KPNA1: variants seen among roughly 807,000 people sequenced by gnomAD.
KPNA1 encodes importin subunit alpha-5.
KPNA1 carries 10 observed loss-of-function variants against 70.5 expected under a neutral mutation model. The ratio of observed to expected loss-of-function variants is 0.14; its 90% CI spans 0.09 to 0.24. The LOEUF (loss-of-function observed/expected upper bound fraction) is 0.24. Ranked by LOEUF, KPNA1 falls within the 10% of genes least tolerant of loss-of-function variation. KPNA1 has a pLI of 1.00. For synonymous variants in KPNA1, 192 were observed against 221.9 expected, an observed-to-expected ratio of 0.87 and a Z score of 1.20; for missense variants, 397 against 637.9, an observed-to-expected ratio of 0.62 and a Z score of 4.07.
In KPNA1 at chr3:122,483,678, A is replaced by G. The variant is rs190338768; in HGVS notation, c.129+12759T>C. 1.9e-4 allele frequency among the ~76,000 whole-genome samples: 29 copies of G among 152,340 alleles called. No homozygotes were observed. In the East Asian group the frequency reaches 5.4e-3, roughly 28 times the overall value. ...TATTTTCATAAACTATTTTGTAAAT[A>G]TAAGTTTTCTAGTAGCTCTAGAAAC... On this transcript the variant is annotated intron_variant, in intron 2 of 13. Coordinates refer to ENST00000344337, the MANE Select transcript of KPNA1 (RefSeq NM_002264.4).
intron 9 of KPNA1, among the ~76,000 whole-genome samples, chr3:122,444,484 G>GT (rs2076109251): frequency 6.6e-6 from 1 of 152,176 alleles, no homozygotes; most frequent in Non-Finnish European, 1.5e-5. Flanking sequence ...GTAGACACGC[G>GT]TAAGAAATTA....
At chr3:122,460,717 A>T in intron 5 of KPNA1, 1 of 930,512 alleles carries the variant, frequency 1.1e-6, no homozygotes, top group Non-Finnish European at 1.3e-6. Flanking sequence ...CTTATATAGT[A>T]CAGTACTGAA....
chr3:122,453,649 G>A (rs2076236023), intron 6 of KPNA1, among the ~76,000 whole-genome samples: 1 of 151,900 alleles, frequency 6.6e-6, no homozygotes, highest in Non-Finnish European at 1.5e-5. Context: ...CAATTCTCCT[G>A]CCTCAGCCTC....
At chr3:122,439,802 A>G (rs1437429011) in intron 10 of KPNA1, among the ~76,000 whole-genome samples, 1 of 152,198 alleles carries the variant, frequency 6.6e-6, no homozygotes, top group Non-Finnish European at 1.5e-5. Context: ...TCTAGTAACA[A>G]TAACAATCAA....
intron 2 of KPNA1, among the ~76,000 whole-genome samples, chr3:122,488,665 A>AT (rs912556600): frequency 6.6e-6 from 1 of 152,228 alleles, no homozygotes; most frequent in African/African-American, 2.4e-5. Flanking sequence ...GGGGTGAAGA[A>AT]TTCTTTAGTT....
intron 2 of KPNA1, 44 bp from the exon 3 acceptor site, chr3:122,467,473 C>T (rs750469797): frequency 1.4e-5 from 17 of 1,240,802 alleles, no homozygotes; most frequent in Non-Finnish European, 2.0e-5. Flanking sequence ...TAAATTCTAA[C>T]ACAAGGGAGT....
At position 122,433,673 on chromosome 3, in the gene KPNA1, G is replaced by A; in HGVS notation, c.1238C>T (p.Ala413Val). The change falls in exon 12 of 14, where the codon GCT (alanine) becomes GTT (valine). Residue 413 changes from alanine to valine, a missense_variant. Ala to Val is a moderately conservative substitution (Grantham distance 64). Coordinates refer to ENST00000344337, the MANE Select transcript of KPNA1 (RefSeq NM_002264.4). ...AITNATSGGS[A>V]EQIKYLVELG... is the part of the protein sequence containing the mutation. ...GATTGGTACTTACTTGATCTGTTCA[G>A]CTGATCCTCCAGAAGTTGCATTTGT... The A allele has an allele frequency of 6.2e-7, 1 of 1,606,394 alleles. No individual in the cohort carries two copies. The highest frequency in any genetic ancestry group is 8.5e-7 in the Non-Finnish European group (1 of 1,178,116).
In KPNA1 at chr3:122,425,273, T is replaced by C. The variant is rs1425570351; in HGVS notation, c.*1712A>G. 6.5e-6 allele frequency: 1 copy of C among 152,674 alleles called. No individual in the cohort carries two copies. The highest frequency in any genetic ancestry group is 2.4e-5 in the African/African-American group (1 of 41,464). The allele number at this position is 152,674 out of a possible 1,614,324, so 9.5% of individuals were successfully genotyped here. A position where few individuals can be genotyped will look rare whatever the true frequency, so the allele number is the denominator to read the frequency against. On this transcript the variant is annotated 3_prime_UTR_variant, in exon 14 of 14. Coordinates refer to ENST00000344337, the MANE Select transcript of KPNA1 (RefSeq NM_002264.4). ...GTTGGCTGCTTAAATAACATCATGA[T>C]GAGGTATGAAAAGCTCTGAATATCC...
intron 1 of KPNA1, among the ~76,000 whole-genome samples, chr3:122,500,339 C>T (rs879575223): frequency 9.2e-5 from 14 of 152,006 alleles, no homozygotes; most frequent in African/African-American, 3.4e-4. Flanking sequence ...CCAGGCTGGA[C>T]TCAAACTCCT....
rs1269172736 is a variant in KPNA1 at position 122,423,692 on chromosome 3, G to GAAT, written c.*3290_*3292dup. On this transcript the variant is annotated 3_prime_UTR_variant, in exon 14 of 14. Transcript: ENST00000344337. ...GTTGCCTGTGGGTAGACGTACAATA[G>GAAT]AATTGGTTGACAAAGTTTGGTTTAT... The GAAT allele has an allele frequency of 1.3e-5, 2 of 152,598 alleles. No individual in the cohort carries two copies. The highest frequency in any genetic ancestry group is 2.4e-5 in the African/African-American group (1 of 41,436). 9.5% of individuals were successfully genotyped at this position (152,598 alleles called of 1,614,324 possible). A position where few individuals can be genotyped will look rare whatever the true frequency, so the allele number is the denominator to read the frequency against.
intron 2 of KPNA1, among the ~76,000 whole-genome samples, chr3:122,475,259 G>C (rs1412773868): frequency 6.6e-6 from 1 of 151,986 alleles, no homozygotes; most frequent in African/African-American, 2.4e-5. Flanking sequence ...ATTTACAATG[G>C]CTACAAAAAT....
intron 1 of KPNA1, among the ~76,000 whole-genome samples, chr3:122,503,904 GAAAC>G (rs752824425): frequency 2.6e-5 from 4 of 152,154 alleles, no homozygotes; most frequent in South Asian, 2.1e-4. Flanking sequence ...GGTAAAACCA[GAAAC>G]AAACAAACAA....
chr3:122,505,819 C>A (rs2076884331), intron 1 of KPNA1, among the ~76,000 whole-genome samples: 1 of 152,228 alleles, frequency 6.6e-6, no homozygotes, highest in African/African-American at 2.4e-5. Flanking sequence ...CCCACTGCCA[C>A]CAGCCTGGCT....
chr3:122,513,552 T>A (rs80047419), intron 1 of KPNA1, among the ~76,000 whole-genome samples: 33,984 of 151,960 alleles, frequency 0.22, 4,216 homozygotes, highest in Non-Finnish European at 0.27. Context: ...GCTGGTGGCA[T>A]CCGCCTGTAG....
At chr3:122,463,708 T>C (rs2076350875) in intron 4 of KPNA1, among the ~76,000 whole-genome samples, 1 of 152,188 alleles carries the variant, frequency 6.6e-6, no homozygotes, top group Admixed American at 6.5e-5. Context: ...TAAAGTCTTT[T>C]ATAAAATAAC....
rs143123708 is a variant in KPNA1, at chr3:122,439,791, A to C, written c.996+2247T>G. On this transcript the variant is annotated intron_variant, in intron 10 of 13. Transcript: ENST00000344337. ...ACCAAAAGTACGTAATTTGATGGGG[A>C]TCTAGTAACAATAACAATCAAGAAG... Among the ~76,000 whole-genome samples the C allele has an allele frequency of 1.5e-4, 23 of 152,256 alleles. No homozygotes were observed. The East Asian group carries it at 4.4e-3, about 29-fold the overall frequency.
chr3:122,506,796 T>C (rs1398104270), intron 1 of KPNA1, among the ~76,000 whole-genome samples: 5 of 152,226 alleles, frequency 3.3e-5, no homozygotes, highest in African/African-American at 4.8e-5. Context: ...CCAGTATCTA[T>C]AGGTTCCCAA....
intron 5 of KPNA1, chr3:122,459,849 G>A (rs1384089078): frequency 1.0e-6 from 1 of 985,450 alleles, no homozygotes; most frequent in African/African-American, 1.7e-5. Flanking sequence ...AGAGAAAGAA[G>A]GGATAGGAGG....
chr3:122,503,874 T>C (rs2076858364), intron 1 of KPNA1, among the ~76,000 whole-genome samples: 1 of 151,984 alleles, frequency 6.6e-6, no homozygotes, highest in African/African-American at 2.4e-5. Context: ...ATGATTCCAA[T>C]TATATGACAT....
Sources: gnomAD v4.1 joint callset for allele counts (sites outside exome capture counted in the v4.1 genomes callset) on GRCh38, gnomAD v4.1.1 for gene constraint, MANE v1.5 for transcripts, NCBI Gene and HGNC (gene_info 2026-07-23, HGNC 2026-07-21) for gene names.